ACVR1: variants seen among roughly 807,000 people sequenced by gnomAD.
The protein encoded by ACVR1 is activin receptor type-1.
ACVR1 carries 38 observed loss-of-function variants against 57.1 expected under a neutral mutation model. That is an observed-to-expected ratio of 0.67 (90% CI 0.51 to 0.87). The LOEUF is 0.87. ACVR1 is among the 40% of genes least tolerant of loss of function. ACVR1 has a pLI of 0.00. For missense variants in ACVR1, 463 were observed against 638.2 expected (o/e 0.73, Z 2.96); for synonymous variants, 212 against 228.1 (o/e 0.93, Z 0.63).
Position 157,876,211 on chromosome 2 carries a change from G to GGGGC in ACVR1, c.-602_-599dup. 6.6e-6 allele frequency among the ~76,000 whole-genome samples: 1 copy of GGGGC among 150,754 alleles called. No homozygotes were observed. The highest frequency in any genetic ancestry group is 2.4e-5 in the African/African-American group (1 of 41,158). Reference sequence around the variant, plus strand: ...TCGGGCTGGGAGCACGACCGCGGGCGGGGCGGGCGGACCAGCTGGGCTTGC... The same window carrying GGGGC: ...TCGGGCTGGGAGCACGACCGCGGGCGGGGCGGGCGGGCGGACCAGCTGGGCTTGC... On this transcript the variant is annotated 5_prime_UTR_variant, in exon 1 of 11. Transcript: ENST00000434821.
chr2:157,875,868 C>CGCGGCGCGGG lies in ACVR1; in HGVS notation c.-265_-256dup, dbSNP rs998775858. On this transcript the variant is annotated 5_prime_UTR_variant, in exon 1 of 11. Coordinates refer to ENST00000434821, the MANE Select transcript of ACVR1 (RefSeq NM_001111067.4). ...GAGGCAGCCGGGCGCTGCAGGTCGG[C>CGCGGCGCGGG]GCGGCGCGGGGCGGCGCGGGGCGGG... is the stretch of plus-strand genomic sequence containing the variant. 247 of 147,936 alleles carry CGCGGCGCGGG rather than the reference C, an allele frequency of 1.7e-3. 4 individuals are homozygous for CGCGGCGCGGG. The highest frequency in any genetic ancestry group is 0.011 in the East Asian group (56 of 5,020). The allele number at this position is 147,936 out of a possible 1,614,324, so 9.2% of individuals were successfully genotyped here.
At chr2:157,834,488 T>G (rs968212557) in intron 1 of ACVR1, among the ~76,000 whole-genome samples, 1 of 152,146 alleles carries the variant, frequency 6.6e-6, no homozygotes, top group African/African-American at 2.4e-5. Flanking sequence ...GAATATGCTC[T>G]TTCTCTAGAG....
chr2:157,860,014 C>T (rs77208057), intron 1 of ACVR1: 4,782 of 152,042 alleles, frequency 0.031, 92 homozygotes, highest in African/African-American at 0.049. Context: ...TACCCCATAC[C>T]CCAAGGGCCA....
chr2:157,748,203 G>C (rs1416963694), intron 9 of ACVR1, among the ~76,000 whole-genome samples: 1 of 152,096 alleles, frequency 6.6e-6, no homozygotes, highest in Non-Finnish European at 1.5e-5. Flanking sequence ...CACAGGGAAC[G>C]GGTTTGCAAC....
At chr2:157,840,714 A>T (rs540866886) in intron 1 of ACVR1, among the ~76,000 whole-genome samples, 6 of 152,362 alleles carry the variant, frequency 3.9e-5, no homozygotes, top group Admixed American at 2.0e-4. Flanking sequence ...GCTGAGAAAA[A>T]GGCCAGGAAG....
intron 6 of ACVR1, among the ~76,000 whole-genome samples, chr2:157,772,228 G>A (rs1686096228): frequency 1.3e-5 from 2 of 152,166 alleles, no homozygotes; most frequent in Non-Finnish European, 2.9e-5. Flanking sequence ...AACAAAAGCA[G>A]AGCTGCCCAA....
At chr2:157,856,441 C>T (rs1470218692) in intron 1 of ACVR1, among the ~76,000 whole-genome samples, 3 of 152,186 alleles carry the variant, frequency 2.0e-5, no homozygotes, top group Non-Finnish European at 2.9e-5. Context: ...TCTATAATGA[C>T]TCATGGGAAA....
chr2:157,800,176 T>C (rs573414910), intron 2 of ACVR1, among the ~76,000 whole-genome samples: 2 of 152,338 alleles, frequency 1.3e-5, no homozygotes, highest in Admixed American at 6.5e-5. Context: ...AGGAATGTGA[T>C]GGGAGTTTGG....
At chr2:157,751,349 G>T (rs189672884) in intron 9 of ACVR1, among the ~76,000 whole-genome samples, 1 of 152,206 alleles carries the variant, frequency 6.6e-6, no homozygotes, top group African/African-American at 2.4e-5. Context: ...GTCTTACAGC[G>T]GTCCTTGGGA....
At chr2:157,863,011 CTTTTTTTTTTTTTT>C (rs374223805) in intron 1 of ACVR1, among the ~76,000 whole-genome samples, 5 of 62,290 alleles carry the variant, frequency 8.0e-5, no homozygotes, top group Admixed American at 5.8e-4. Flanking sequence ...AGAACATTTA[CTTTTTTTTTTTTTT>C]TTTTTTTTTT....
rs1261768489 is a variant in ACVR1 at position 157,836,704 on chromosome 2, G to A, written c.-182-18145C>T. Among the ~76,000 whole-genome samples, 3 of 152,128 alleles carry A rather than the reference G, an allele frequency of 2.0e-5. No individual in the cohort carries two copies. The East Asian group carries it at 5.8e-4, about 29-fold the overall frequency. On this transcript the variant is annotated intron_variant, in intron 1 of 10. Transcript: ENST00000434821. ...TGTCCTCTTTAGCACTGAGTCCCCA[G>A]TCCCTACCGGGGTGCCTGACACAGT...
At chr2:157,842,052 A>G (rs1410487463) in intron 1 of ACVR1, among the ~76,000 whole-genome samples, 1 of 151,314 alleles carries the variant, frequency 6.6e-6, no homozygotes, top group Non-Finnish European at 1.5e-5. Context: ...AAAATTAACA[A>G]TTAATCCAAT....
chr2:157,810,884 T>C (rs887023142), intron 2 of ACVR1, among the ~76,000 whole-genome samples: 4 of 152,172 alleles, frequency 2.6e-5, no homozygotes, highest in African/African-American at 9.7e-5. Flanking sequence ...TCCAGTGAAA[T>C]ACCCCTTGTT....
chr2:157,823,277 T>C (rs904173591), intron 1 of ACVR1, among the ~76,000 whole-genome samples: 1 of 152,176 alleles, frequency 6.6e-6, no homozygotes, highest in Non-Finnish European at 1.5e-5. Context: ...CACAGGAGGA[T>C]TATAACACTT....
chr2:157,830,706 T>G (rs2105344079), intron 1 of ACVR1, among the ~76,000 whole-genome samples: 1 of 146,004 alleles, frequency 6.8e-6, no homozygotes, highest in South Asian at 2.2e-4. Flanking sequence ...ATCAATAAAA[T>G]GTAAGAAGGG....
At chr2:157,852,024 C>G (rs1001274282) in intron 1 of ACVR1, among the ~76,000 whole-genome samples, 1 of 151,246 alleles carries the variant, frequency 6.6e-6, no homozygotes, top group Non-Finnish European at 1.5e-5. Context: ...GCTGAAGAGG[C>G]AAGAGCATTG....
intron 9 of ACVR1, among the ~76,000 whole-genome samples, chr2:157,740,371 T>C (rs1372256833): frequency 2.0e-5 from 3 of 152,028 alleles, no homozygotes; most frequent in African/African-American, 4.8e-5. Flanking sequence ...CCTGTAAGGA[T>C]CCCAGGAAAC....
intron 1 of ACVR1, among the ~76,000 whole-genome samples, chr2:157,844,390 T>C (rs1322123014): frequency 6.6e-6 from 1 of 152,090 alleles, no homozygotes; most frequent in Non-Finnish European, 1.5e-5. Context: ...GAGGCCTTTC[T>C]CAGCTTGGCT....
chr2:157,778,197 G>A lies in ACVR1; in HGVS notation c.477C>T (p.Pro159=). Residue 159 remains proline, a synonymous_variant, in exon 5 of 11, where the codon CCC becomes CCT. Coordinates refer to ENST00000434821, the MANE Select transcript of ACVR1 (RefSeq NM_001111067.4). The part of the protein sequence containing the change: ...FKRRNQERLN[P]RDVEYGTIEG... ...CGATAGTGCCATACTCCACGTCTCG[G>A]GGATTGAGGCGTTCTTGGTTGCGCC... is the stretch of plus-strand genomic sequence containing the variant. 1 of 1,613,998 alleles carries A rather than the reference G, an allele frequency of 6.2e-7. No individual in the cohort carries two copies. Among genetic ancestry groups the A allele is most frequent in the Non-Finnish European group, 8.5e-7 (1 of 1,179,968 alleles).
Sources: allele counts gnomAD v4.1 joint callset (sites outside exome capture counted in the v4.1 genomes callset), GRCh38; gene constraint gnomAD v4.1.1; transcripts MANE v1.5; gene names NCBI Gene and HGNC (gene_info 2026-07-23, HGNC 2026-07-21).